FBXL7: variants seen among roughly 807,000 people sequenced by gnomAD.
The protein encoded by FBXL7 is F-box/LRR-repeat protein 7.
FBXL7 carries 12 observed loss-of-function variants against 38.3 expected under a neutral mutation model. The ratio of observed to expected loss-of-function variants is 0.31; its 90% CI spans 0.20 to 0.51. The LOEUF (loss-of-function observed/expected upper bound fraction) is 0.51, where lower values mean the gene tolerates loss of function less well. Among genes scored for constraint, FBXL7 ranks in the 20% least tolerant of loss-of-function variants. FBXL7 has a pLI of 0.98. For missense variants in FBXL7, 567 were observed against 676.4 expected, an observed-to-expected ratio of 0.84 and a Z score of 1.79; for synonymous variants, 297 against 300.9, an observed-to-expected ratio of 0.99 and a Z score of 0.13.
chr5:15,895,781 C>T (rs1382606765), intron 2 of FBXL7, among the ~76,000 whole-genome samples: 15 of 149,040 alleles, frequency 1.0e-4, no homozygotes, highest in Admixed American at 1.3e-4. Flanking sequence ...GTAGCTGGGA[C>T]TACAGGTGCC....
At chr5:15,782,607 G>GT (rs1343829017) in intron 2 of FBXL7, among the ~76,000 whole-genome samples, 1 of 152,054 alleles carries the variant, frequency 6.6e-6, no homozygotes, top group Non-Finnish European at 1.5e-5. Flanking sequence ...TATGTTTGTT[G>GT]TTTTCTTAAG....
At chr5:15,867,993 A>G (rs1013251783) in intron 2 of FBXL7, among the ~76,000 whole-genome samples, 1 of 151,952 alleles carries the variant, frequency 6.6e-6, no homozygotes, top group Admixed American at 6.6e-5. Flanking sequence ...AGTCTCAGCT[A>G]CTTAGGAGGC....
rs551599758 is a variant in FBXL7 at position 15,711,882 on chromosome 5, A to G, written c.127+95810A>G. Among the ~76,000 whole-genome samples the G allele has an allele frequency of 2.3e-3, 354 of 152,342 alleles. 3 individuals carry two copies. The highest frequency in any genetic ancestry group is 8.1e-3 in the African/African-American group (338 of 41,592). On this transcript the variant is annotated intron_variant, in intron 2 of 3. Transcript: ENST00000504595. Reference sequence around the variant, plus strand: ...GCAGTAATGACATACATATTTTTGCAAGCATAAAACAGATATATTAACAGC... The same window carrying G: ...GCAGTAATGACATACATATTTTTGCGAGCATAAAACAGATATATTAACAGC...
chr5:15,583,404 A>G (rs912332042), intron 1 of FBXL7, among the ~76,000 whole-genome samples: 10 of 152,144 alleles, frequency 6.6e-5, no homozygotes, highest in African/African-American at 2.2e-4. Flanking sequence ...CCACAATCCA[A>G]AGTCTCATCT....
chr5:15,835,002 G>C (rs528833446), intron 2 of FBXL7, among the ~76,000 whole-genome samples: 1 of 152,188 alleles, frequency 6.6e-6, no homozygotes, highest in African/African-American at 2.4e-5. Flanking sequence ...TCCAAGTAAT[G>C]AGCTGGGCTA....
chr5:15,804,993 G>T (rs533244443), intron 2 of FBXL7, among the ~76,000 whole-genome samples: 1 of 117,770 alleles, frequency 8.5e-6, no homozygotes, highest in Non-Finnish European at 2.1e-5. Flanking sequence ...AGCAGGGCTG[G>T]CCTATTCTGA....
intron 2 of FBXL7, among the ~76,000 whole-genome samples, chr5:15,725,714 G>T (rs1004653810): frequency 6.6e-6 from 1 of 152,086 alleles, no homozygotes; most frequent in African/African-American, 2.4e-5. Context: ...TAGGCTCACT[G>T]CAACCTCCAT....
At position 15,791,082 on chromosome 5, in the gene FBXL7, G is replaced by C. The variant is rs952350581; in HGVS notation, c.128-136808G>C. Among the ~76,000 whole-genome samples, 2 of 141,436 alleles carry C rather than the reference G, an allele frequency of 1.4e-5. 1 individual carries two copies. The highest frequency in any genetic ancestry group is 5.2e-5 in the African/African-American group (2 of 38,400). 92.8% of individuals were successfully genotyped at this position (141,436 alleles called of 152,430 possible). A position where few individuals can be genotyped will look rare whatever the true frequency, so the allele number is the denominator to read the frequency against. ...GTGAGTTGTGTAAAAGGGGGGGGGGGGTTATTGCATGTATCTAAGCCTTAT... is the reference window on the plus strand; with the variant it reads ...GTGAGTTGTGTAAAAGGGGGGGGGGCGTTATTGCATGTATCTAAGCCTTAT... On this transcript the variant is annotated intron_variant, in intron 2 of 3. Coordinates refer to ENST00000504595, the MANE Select transcript of FBXL7 (RefSeq NM_012304.5).
chr5:15,874,834 C>G (rs1331322625), intron 2 of FBXL7, among the ~76,000 whole-genome samples: 1 of 152,180 alleles, frequency 6.6e-6, no homozygotes, highest in Non-Finnish European at 1.5e-5. Flanking sequence ...AATGGCCATA[C>G]TGCCCAAAGT....
intron 2 of FBXL7, among the ~76,000 whole-genome samples, chr5:15,867,275 A>G (rs1739755821): frequency 6.6e-6 from 1 of 152,092 alleles, no homozygotes; most frequent in South Asian, 2.1e-4. Flanking sequence ...CAACTTAGTG[A>G]TTTTGCTCCA....
rs1223628872 is a variant in FBXL7, at chr5:15,570,911, G to A, written c.38-45072G>A. Among the ~76,000 whole-genome samples, 10 of 152,062 alleles carry A rather than the reference G, an allele frequency of 6.6e-5. No homozygotes were observed. The East Asian group carries it at 1.3e-3, about 21-fold the overall frequency. On this transcript the variant is annotated intron_variant, in intron 1 of 3. Transcript: ENST00000504595. ...AGTTCGAGACCAGGCTGACCAACAT[G>A]GAGAAACCCCATCTCTACTAAAAAT...
chr5:15,756,062 T>C (rs1736288762), intron 2 of FBXL7, among the ~76,000 whole-genome samples: 1 of 152,202 alleles, frequency 6.6e-6, no homozygotes, highest in South Asian at 2.1e-4. Flanking sequence ...TAAATTGGTA[T>C]TTGCAGCTGT....
At position 15,895,474 on chromosome 5, in the gene FBXL7, A is replaced by G. The variant is rs55900820; in HGVS notation, c.128-32416A>G. ...AAAGTTTTCCAGAGAAGAATATGAGATTAAAATATCATAAGTAAAGAAGGT... is the reference window on the plus strand; with the variant it reads ...AAAGTTTTCCAGAGAAGAATATGAGGTTAAAATATCATAAGTAAAGAAGGT... On this transcript the variant is annotated intron_variant, in intron 2 of 3. Transcript: ENST00000504595. Among the ~76,000 whole-genome samples the G allele has an allele frequency of 7.0e-3, 1,062 of 152,236 alleles. 19 individuals carry two copies. Among genetic ancestry groups the G allele is most frequent in the African/African-American group, 0.024 (1,008 of 41,544 alleles).
chr5:15,770,666 C>A (rs4702106), intron 2 of FBXL7, among the ~76,000 whole-genome samples: 2,608 of 152,212 alleles, frequency 0.017, 74 homozygotes, highest in East Asian at 0.068. Flanking sequence ...GTTGTTTATC[C>A]AAGAATTTTA....
intron 2 of FBXL7, among the ~76,000 whole-genome samples, chr5:15,785,507 C>T (rs1737111171): frequency 6.6e-6 from 1 of 152,112 alleles, no homozygotes; most frequent in African/African-American, 2.4e-5. Flanking sequence ...AAGAAGAGGG[C>T]AATAGTAGGA....
At position 15,852,120 on chromosome 5, in the gene FBXL7, T is replaced by A. The variant is rs532045286; in HGVS notation, c.128-75770T>A. On this transcript the variant is annotated intron_variant, in intron 2 of 3. Coordinates refer to ENST00000504595, the MANE Select transcript of FBXL7 (RefSeq NM_012304.5). Reference sequence around the variant, plus strand: ...GAAAAGTCCTTCAGTACATGCTAGATCATAGCTGACTTGCACTATCCTTCC... The same window carrying A: ...GAAAAGTCCTTCAGTACATGCTAGAACATAGCTGACTTGCACTATCCTTCC... Among the ~76,000 whole-genome samples, 4 of 152,220 alleles carry A rather than the reference T, an allele frequency of 2.6e-5. No individual in the cohort carries two copies. In the South Asian group the frequency reaches 8.3e-4, roughly 32 times the overall value.
intron 1 of FBXL7, among the ~76,000 whole-genome samples, chr5:15,512,896 A>G (rs186288989): frequency 1.3e-5 from 2 of 152,308 alleles, no homozygotes; most frequent in East Asian, 3.9e-4. Flanking sequence ...TAATCTAGAA[A>G]ACATTTGTTC....
chr5:15,898,892 A>C (rs963093078), intron 2 of FBXL7, among the ~76,000 whole-genome samples: 1 of 152,174 alleles, frequency 6.6e-6, no homozygotes, highest in Non-Finnish European at 1.5e-5. Context: ...TTTTTTGGCC[A>C]GCAAATTACA....
intron 1 of FBXL7, among the ~76,000 whole-genome samples, chr5:15,545,798 A>G (rs1737878668): frequency 6.6e-6 from 1 of 152,232 alleles, no homozygotes. Context: ...AGTTAATGGC[A>G]ATTCAAAAAG....
Sources: allele counts gnomAD v4.1 joint callset (sites outside exome capture counted in the v4.1 genomes callset), GRCh38; gene constraint gnomAD v4.1.1; transcripts MANE v1.5; gene names NCBI Gene and HGNC (gene_info 2026-07-23, HGNC 2026-07-21).